Variants in USP53 observed in about 807,000 individuals in gnomAD.
The protein encoded by USP53 is ubiquitin carboxyl-terminal hydrolase 53.
In USP53, 71 loss-of-function variants were observed where a neutral mutation model predicts 94.9. The ratio of observed to expected loss-of-function variants is 0.75; its 90% CI spans 0.62 to 0.91. The LOEUF (loss-of-function observed/expected upper bound fraction) is 0.91, where lower values mean the gene tolerates loss of function less well. Among genes scored for constraint, USP53 ranks in the 40% least tolerant of loss-of-function variants. The pLI, the probability that USP53 is intolerant of heterozygous loss-of-function variation, is 0.00. For synonymous variants in USP53, 375 were observed against 422.7 expected (o/e 0.89, Z 1.39); for missense variants, 1,173 against 1,281.0 (o/e 0.92, Z 1.29).
chr4:119,253,610 G>A (rs1185754923), intron 7 of USP53, among the ~76,000 whole-genome samples: 4 of 152,108 alleles, frequency 2.6e-5, no homozygotes, highest in East Asian at 3.9e-4. Flanking sequence ...GTCTATGTGT[G>A]TCTCTGCACA....
intron 4 of USP53, 51 bp downstream of exon 4, chr4:119,235,462 G>A (rs13114751): frequency 0.29 from 43,910 of 151,684 alleles, 6,497 homozygotes; most frequent in East Asian, 0.38. Flanking sequence ...ATTTTTTGTA[G>A]AGACAAGGTC....
At position 119,261,753 on chromosome 4, in the gene USP53, T is replaced by G. The variant is rs1393799613; in HGVS notation, c.861T>G (p.Ser287Arg). 1 of 1,563,622 alleles carries G rather than the reference T, an allele frequency of 6.4e-7. No individual in the cohort carries two copies. Among genetic ancestry groups the G allele is most frequent in the African/African-American group, 1.3e-5 (1 of 74,380 alleles). The change falls in exon 12 of 19, where the codon AGT becomes AGG. Residue 287 changes from serine to arginine, a missense_variant. Transcript: ENST00000692078. Reference protein sequence around the residue: ...YRVTDENAKNSELNLVGMICY... With the variant: ...YRVTDENAKNRELNLVGMICY... ...TTACTGATGAAAATGCCAAAAATAG[T>G]GAACTTAACCTTGTTGGTATGATCT...
At chr4:119,271,115 C>A in intron 15 of USP53, 181 bp from the exon 16 acceptor site, 1 of 666,558 alleles carries the variant, frequency 1.5e-6, no homozygotes. Flanking sequence ...AAATACCCCT[C>A]ATTAAGCATA....
chr4:119,238,118 C>T (rs1747028804), intron 4 of USP53, among the ~76,000 whole-genome samples: 1 of 152,150 alleles, frequency 6.6e-6, no homozygotes, highest in Non-Finnish European at 1.5e-5. Flanking sequence ...CTTTTAATTT[C>T]CTTCAAGAGC....
At position 119,267,842 on chromosome 4, in the gene USP53, C is replaced by T. The variant is rs183108137; in HGVS notation, c.1135+360C>T. Among the ~76,000 whole-genome samples the T allele has an allele frequency of 7.9e-5, 12 of 152,246 alleles. No individual in the cohort carries two copies. In the East Asian group the frequency reaches 9.7e-4, roughly 12 times the overall value. ...TCAAAATTCTTAAATGATGTCAATC[C>T]GCTTAAGTTTTAAGTAACTTTTTTT... On this transcript the variant is annotated intron_variant, in intron 13 of 18. Transcript: ENST00000692078.
intron 3 of USP53, among the ~76,000 whole-genome samples, chr4:119,230,864 G>A (rs998882594): frequency 6.6e-6 from 1 of 152,114 alleles, no homozygotes; most frequent in Non-Finnish European, 1.5e-5. Context: ...TGGGGTCCAG[G>A]GTATTACCTA....
At chr4:119,215,365 G>T (rs1342750910) in intron 2 of USP53, among the ~76,000 whole-genome samples, 2 of 152,042 alleles carry the variant, frequency 1.3e-5, no homozygotes, top group African/African-American at 2.4e-5. Flanking sequence ...AATCCTCAAA[G>T]GTTAAATTTT....
At chr4:119,248,915 G>T (rs758470880) in intron 7 of USP53, 33 bp downstream of exon 7, 2 of 1,610,674 alleles carry the variant, frequency 1.2e-6, no homozygotes, top group Non-Finnish European at 1.7e-6. Context: ...AAGAAGTCAG[G>T]ATAGTAGTTT....
chr4:119,224,038 T>G (rs1361686909), intron 3 of USP53, among the ~76,000 whole-genome samples: 1 of 152,214 alleles, frequency 6.6e-6, no homozygotes, highest in Non-Finnish European at 1.5e-5. Context: ...CTTGCTGTGT[T>G]GCACAGGCTG....
chr4:119,215,331 G>A (rs1339878798), intron 2 of USP53, among the ~76,000 whole-genome samples: 1 of 152,136 alleles, frequency 6.6e-6, no homozygotes, highest in African/African-American at 2.4e-5. Context: ...AGAAACGGAT[G>A]CAACCTGCTC....
chr4:119,218,236 A>C (rs1744059836), intron 3 of USP53: 1 of 152,230 alleles, frequency 6.6e-6, no homozygotes, highest in Non-Finnish European at 1.5e-5. Context: ...GAAGGTATAG[A>C]TAAAGTAAGA....
At chr4:119,232,735 A>G (rs1222847463) in intron 3 of USP53, among the ~76,000 whole-genome samples, 1 of 152,140 alleles carries the variant, frequency 6.6e-6, no homozygotes, top group Admixed American at 6.5e-5. Flanking sequence ...TCTGTTTGCT[A>G]GCATTTTATT....
At chr4:119,284,220 C>T (rs1054149834) in intron 17 of USP53, among the ~76,000 whole-genome samples, 4 of 150,872 alleles carry the variant, frequency 2.7e-5, no homozygotes, top group African/African-American at 7.3e-5. Flanking sequence ...TAGACATAGA[C>T]GCAAGATTGA....
intron 17 of USP53, among the ~76,000 whole-genome samples, chr4:119,288,798 C>T (rs112269852): frequency 0.021 from 3,185 of 151,916 alleles, 111 homozygotes; most frequent in African/African-American, 0.072. Context: ...ATTAGCCAGG[C>T]GTGGTGGCGC....
chr4:119,291,060 A>T, intron 17 of USP53, 105 bp from the exon 18 acceptor site: 1 of 554,612 alleles, frequency 1.8e-6, no homozygotes, highest in Non-Finnish European at 3.0e-6. Flanking sequence ...CCTTTTATAG[A>T]AAGCTTTATG....
intron 16 of USP53, chr4:119,272,761 C>G (rs1752032667): frequency 6.6e-6 from 1 of 152,148 alleles, no homozygotes; most frequent in East Asian, 1.9e-4. Flanking sequence ...ATTTGTAACT[C>G]AGAACTGAAG....
chr4:119,264,886 A>C (rs139897663), intron 12 of USP53, among the ~76,000 whole-genome samples: 1 of 152,350 alleles, frequency 6.6e-6, no homozygotes, highest in Non-Finnish European at 1.5e-5. Flanking sequence ...CCAAACTAGA[A>C]ATGACTCAAA....
Position 119,269,704 on chromosome 4 carries a change from C to A in USP53, c.1302C>A (p.His434Gln). ...GVGKGPAKLS[H>Q]IDQREKIKDI... ...TTTCTTTTACAGCTAAGTTAAGTCA[C>A]ATTGATCAAAGGGAAAAGATAAAAG... The change falls in exon 15 of 19, where the codon CAC becomes CAA. Residue 434 changes from histidine to glutamine, a missense_variant. Coordinates refer to ENST00000692078, the MANE Select transcript of USP53 (RefSeq NM_001371395.1). 6.9e-7 allele frequency: 1 copy of A among 1,456,020 alleles called. No individual in the cohort carries two copies. The highest frequency in any genetic ancestry group is 9.1e-7 in the Non-Finnish European group (1 of 1,103,988). The allele number at this position is 1,456,020 out of a possible 1,614,324, so 90.2% of individuals were successfully genotyped here.
At chr4:119,221,849 C>T (rs1323099546) in intron 3 of USP53, among the ~76,000 whole-genome samples, 1 of 152,150 alleles carries the variant, frequency 6.6e-6, no homozygotes, top group Non-Finnish European at 1.5e-5. Context: ...GTCCCATACA[C>T]AGCAGAGCAA....
Sources: allele counts gnomAD v4.1 joint callset (sites outside exome capture counted in the v4.1 genomes callset), GRCh38; gene constraint gnomAD v4.1.1; transcripts MANE v1.5; gene names NCBI Gene and HGNC (gene_info 2026-07-23, HGNC 2026-07-21).